OLFM3: variants seen among roughly 807,000 people sequenced by gnomAD.
OLFM3 encodes noelin-3.
Under a neutral mutation model 48.6 loss-of-function variants are expected in OLFM3, and 20 were observed. The observed-to-expected ratio is 0.41, with a 90% CI of 0.29 to 0.60. OLFM3 has a LOEUF of 0.60. OLFM3 is among the 20% of genes least tolerant of loss of function. The pLI, the probability that OLFM3 is intolerant of heterozygous loss-of-function variation, is 0.28. For missense variants in OLFM3, 437 were observed against 544.3 expected, an observed-to-expected ratio of 0.80 and a Z score of 1.96; for synonymous variants, 222 against 198.1, an observed-to-expected ratio of 1.12 and a Z score of -1.01.
At chr1:101,805,763 G>C (rs751278608) in intron 5 of OLFM3, among the ~76,000 whole-genome samples, 3 of 151,608 alleles carry the variant, frequency 2.0e-5, no homozygotes, top group Non-Finnish European at 4.4e-5. Context: ...CACTTATTTA[G>C]TGCTATGTTT....
At chr1:101,913,168 A>G (rs1487118594) in intron 1 of OLFM3, among the ~76,000 whole-genome samples, 1 of 152,196 alleles carries the variant, frequency 6.6e-6, no homozygotes, top group East Asian at 1.9e-4. Flanking sequence ...TATACATCTG[A>G]CTTAGTCATA....
intron 1 of OLFM3, among the ~76,000 whole-genome samples, chr1:101,966,807 G>A (rs6577295): frequency 0.8 from 121,883 of 152,034 alleles, 49,069 homozygotes; most frequent in East Asian, 0.96. Context: ...ATTTTGAAGG[G>A]TCTATGTGTA....
chr1:101,924,081 A>G (rs1279397106), intron 1 of OLFM3, among the ~76,000 whole-genome samples: 1 of 152,186 alleles, frequency 6.6e-6, no homozygotes, highest in Admixed American at 6.5e-5. Flanking sequence ...AAACCACATT[A>G]ACTTTCTCTC....
chr1:101,950,493 C>T (rs1243448426), intron 1 of OLFM3, among the ~76,000 whole-genome samples: 1 of 150,154 alleles, frequency 6.7e-6, no homozygotes, highest in African/African-American at 2.5e-5. Flanking sequence ...GGCTGGAGTG[C>T]AGTGGCGCCA....
chr1:101,978,450 TC>T (rs1410709403), intron 1 of OLFM3, among the ~76,000 whole-genome samples: 7 of 152,246 alleles, frequency 4.6e-5, no homozygotes, highest in Middle Eastern at 3.4e-3. Context: ...TTGAAAGTCT[TC>T]TCATTCAGTT....
chr1:101,895,412 TACACACACAC>T (rs35047632), intron 1 of OLFM3, among the ~76,000 whole-genome samples: 1,562 of 144,200 alleles, frequency 0.011, 15 homozygotes, highest in Non-Finnish European at 0.015. Flanking sequence ...AGCTCAAGAA[TACACACACAC>T]ACACACACAC....
intron 4 of OLFM3, among the ~76,000 whole-genome samples, chr1:101,816,390 A>T (rs1474375267): frequency 6.6e-6 from 1 of 152,210 alleles, no homozygotes; most frequent in East Asian, 1.9e-4. Context: ...GAAAGACAAT[A>T]ATTAAATAAA....
chr1:101,882,694 G>GA (rs1657584662), intron 1 of OLFM3: 1 of 151,758 alleles, frequency 6.6e-6, no homozygotes, highest in Admixed American at 6.6e-5. Flanking sequence ...CCACAATCTA[G>GA]ATAGACTCTT....
At chr1:101,833,091 C>G (rs960840906) in intron 2 of OLFM3, among the ~76,000 whole-genome samples, 8 of 152,102 alleles carry the variant, frequency 5.3e-5, no homozygotes, top group African/African-American at 1.9e-4. Context: ...GTACCTGGGC[C>G]AAGTCTATAC....
intron 4 of OLFM3, among the ~76,000 whole-genome samples, chr1:101,811,976 C>T (rs903722291): frequency 6.6e-6 from 1 of 152,102 alleles, no homozygotes; most frequent in Non-Finnish European, 1.5e-5. Flanking sequence ...GCAAATGTGG[C>T]ACATATACAC....
intron 1 of OLFM3, among the ~76,000 whole-genome samples, chr1:101,976,702 C>T (rs1390145564): frequency 6.6e-6 from 1 of 152,064 alleles, no homozygotes; most frequent in East Asian, 1.9e-4. Flanking sequence ...AGTAGATGCT[C>T]AAAAAAGTTC....
intron 1 of OLFM3, among the ~76,000 whole-genome samples, chr1:101,887,874 T>C (rs1318681342): frequency 6.6e-6 from 1 of 152,036 alleles, no homozygotes; most frequent in Non-Finnish European, 1.5e-5. Flanking sequence ...ATGCTTACAT[T>C]TGCATTGTTT....
chr1:101,918,674 T>A (rs1385412113), intron 1 of OLFM3, among the ~76,000 whole-genome samples: 3 of 152,124 alleles, frequency 2.0e-5, no homozygotes, highest in East Asian at 3.9e-4. Flanking sequence ...GCTGCAAAGT[T>A]TTTTTGTCCA....
chr1:101,864,440 T>A (rs1656779694), intron 1 of OLFM3, among the ~76,000 whole-genome samples: 1 of 152,198 alleles, frequency 6.6e-6, no homozygotes, highest in Non-Finnish European at 1.5e-5. Context: ...TCAAGTAATC[T>A]TCAACTTGAA....
intron 1 of OLFM3, among the ~76,000 whole-genome samples, chr1:101,940,312 G>T (rs147494832): frequency 6.7e-6 from 1 of 150,312 alleles, no homozygotes; most frequent in Admixed American, 6.6e-5. Context: ...CTATTCTCAG[G>T]ATCCATGTGC....
intron 1 of OLFM3, among the ~76,000 whole-genome samples, chr1:101,960,391 G>A (rs1027763876): frequency 2.0e-5 from 3 of 152,144 alleles, no homozygotes; most frequent in Non-Finnish European, 4.4e-5. Flanking sequence ...CAGGGAGTGA[G>A]GAGACCTGCA....
At chr1:101,934,861 A>G (rs1267587549) in intron 1 of OLFM3, among the ~76,000 whole-genome samples, 2 of 152,176 alleles carry the variant, frequency 1.3e-5, no homozygotes, top group Non-Finnish European at 2.9e-5. Context: ...CATATACCCG[A>G]ATGACTTTGG....
chr1:101,873,885 G>A (rs1353226259), intron 1 of OLFM3, among the ~76,000 whole-genome samples: 1 of 151,714 alleles, frequency 6.6e-6, no homozygotes, highest in African/African-American at 2.4e-5. Flanking sequence ...AATAAATATT[G>A]ACTTTTATTG....
rs1348199177 is a variant in OLFM3, at chr1:101,803,142, T to A, written c.*1096A>T. The A allele has an allele frequency of 6.6e-6, 1 of 152,074 alleles. No homozygotes were observed. Among genetic ancestry groups the A allele is most frequent in the Non-Finnish European group, 1.5e-5 (1 of 67,738 alleles). The allele number at this position is 152,074 out of a possible 1,614,324, so 9.4% of individuals were successfully genotyped here. On this transcript the variant is annotated 3_prime_UTR_variant, in exon 6 of 6. Coordinates refer to ENST00000370103, the MANE Select transcript of OLFM3 (RefSeq NM_058170.4). Reference sequence around the variant, plus strand: ...AACTCCTCAGGGCTCATAATCTAAATCTAGAGGACATTACAGAATTTTTTT... The same window carrying A: ...AACTCCTCAGGGCTCATAATCTAAAACTAGAGGACATTACAGAATTTTTTT...
Sources: allele counts gnomAD v4.1 joint callset (sites outside exome capture counted in the v4.1 genomes callset), GRCh38; gene constraint gnomAD v4.1.1; transcripts MANE v1.5; gene names NCBI Gene and HGNC (gene_info 2026-07-23, HGNC 2026-07-21).